ACTR3: variants seen among roughly 807,000 people sequenced by gnomAD.
The protein encoded by ACTR3 is actin related protein 3, also known as actin-related protein 3.
Under a neutral mutation model 56.8 loss-of-function variants are expected in ACTR3, and 12 were observed. That is an observed-to-expected ratio of 0.21 (90% CI 0.14 to 0.34). The LOEUF (loss-of-function observed/expected upper bound fraction) is 0.34. Ranked by LOEUF, ACTR3 falls within the 10% of genes least tolerant of loss-of-function variation. The pLI, the probability that ACTR3 is intolerant of heterozygous loss-of-function variation, is 1.00. For missense variants in ACTR3, 282 were observed against 512.5 expected (o/e 0.55, Z 4.34); for synonymous variants, 162 against 167.4 (o/e 0.97, Z 0.25).
chr2:113,909,517 ATG>A (rs1480200969), intron 1 of ACTR3, among the ~76,000 whole-genome samples: 2 of 152,180 alleles, frequency 1.3e-5, no homozygotes, highest in Admixed American at 1.3e-4. Context: ...TATGGTTGAA[ATG>A]AAGATTAGTC....
chr2:113,907,548 C>G (rs1224380716), intron 1 of ACTR3, among the ~76,000 whole-genome samples: 1 of 152,208 alleles, frequency 6.6e-6, no homozygotes, highest in Non-Finnish European at 1.5e-5. Flanking sequence ...CCGTCACACC[C>G]AGCTCATGAA....
intron 9 of ACTR3, 36 bp from the exon 10 acceptor site, chr2:113,951,684 T>C: frequency 1.3e-6 from 2 of 1,499,468 alleles, no homozygotes; most frequent in East Asian, 2.5e-5. Context: ...TAAACTTTTC[T>C]CTTTTTAAAT....
At chr2:113,892,431 C>G (rs1339901102) in intron 1 of ACTR3, among the ~76,000 whole-genome samples, 4 of 152,240 alleles carry the variant, frequency 2.6e-5, no homozygotes, top group Non-Finnish European at 5.9e-5. Flanking sequence ...CCACCTCACT[C>G]TCTTTTACCA....
At chr2:113,890,383 GA>G in intron 1 of ACTR3, 60 bp downstream of exon 1, 1 of 1,310,170 alleles carries the variant, frequency 7.6e-7, no homozygotes, top group Non-Finnish European at 1.0e-6. Context: ...GATGGCGGGG[GA>G]GGGAGGAGGC....
At chr2:113,895,762 G>T (rs1678995187) in intron 1 of ACTR3, among the ~76,000 whole-genome samples, 1 of 152,150 alleles carries the variant, frequency 6.6e-6, no homozygotes, top group Non-Finnish European at 1.5e-5. Flanking sequence ...TTGAGTTCAA[G>T]CTCTATCACT....
chr2:113,925,334 T>C (rs1679597977), intron 3 of ACTR3, among the ~76,000 whole-genome samples: 1 of 151,844 alleles, frequency 6.6e-6, no homozygotes. Context: ...TAGCTGGGAT[T>C]ATAGGCATGC....
In ACTR3 at chr2:113,962,571, T is replaced by A. The variant is rs1680342261; in HGVS notation, c.*5116T>A. 1 of 152,036 alleles carries A rather than the reference T, an allele frequency of 6.6e-6. No homozygotes were observed. Among genetic ancestry groups the A allele is most frequent in the Non-Finnish European group, 1.5e-5 (1 of 67,912 alleles). The allele number at this position is 152,036 out of a possible 1,614,324, so 9.4% of individuals were successfully genotyped here. ...GATATCGGAATTGGAACCACACATC[T>A]TTTTCTTATTGTGGGTACATGGGAT... On this transcript the variant is annotated 3_prime_UTR_variant, in exon 12 of 12. Coordinates refer to ENST00000263238, the MANE Select transcript of ACTR3 (RefSeq NM_005721.5).
intron 3 of ACTR3, among the ~76,000 whole-genome samples, chr2:113,924,243 ATTT>A (rs1222977721): frequency 7.0e-6 from 1 of 143,724 alleles, no homozygotes; most frequent in Non-Finnish European, 1.5e-5. Context: ...CTAATTAAAA[ATTT>A]TTTTTTTTTT....
chr2:113,942,119 C>A, intron 7 of ACTR3, 67 bp from the exon 8 acceptor site: 5 of 1,174,272 alleles, frequency 4.3e-6, no homozygotes, highest in South Asian at 1.7e-5. Context: ...TTACTGAAAA[C>A]ATGCCATTCT....
At chr2:113,948,846 A>G (rs529113452) in intron 8 of ACTR3, among the ~76,000 whole-genome samples, 1 of 147,774 alleles carries the variant, frequency 6.8e-6, no homozygotes, top group African/African-American at 2.6e-5. Flanking sequence ...TTACATCCCA[A>G]TCTGAACTTG....
At chr2:113,895,943 C>G (rs1014351273) in intron 1 of ACTR3, among the ~76,000 whole-genome samples, 1 of 152,160 alleles carries the variant, frequency 6.6e-6, no homozygotes, top group Non-Finnish European at 1.5e-5. Flanking sequence ...ACTGCATCCT[C>G]AAACTCCTAT....
chr2:113,933,916 G>A (rs1458012013), intron 5 of ACTR3: 8 of 176,238 alleles, frequency 4.5e-5, no homozygotes, highest in South Asian at 3.6e-4. Flanking sequence ...TCCTGACCTC[G>A]TGATCTGCCC....
At chr2:113,896,764 G>A (rs1679016494) in intron 1 of ACTR3, among the ~76,000 whole-genome samples, 1 of 152,222 alleles carries the variant, frequency 6.6e-6, no homozygotes, top group Non-Finnish European at 1.5e-5. Context: ...GAGCATCACA[G>A]TGACTGATTG....
At chr2:113,919,262 A>G (rs1399016189) in intron 3 of ACTR3, among the ~76,000 whole-genome samples, 3 of 152,162 alleles carry the variant, frequency 2.0e-5, no homozygotes, top group African/African-American at 7.2e-5. Flanking sequence ...TATTTACTAT[A>G]TTGGTTATTC....
chr2:113,901,155 C>T (rs1315387104), intron 1 of ACTR3, among the ~76,000 whole-genome samples: 2 of 152,114 alleles, frequency 1.3e-5, no homozygotes, highest in African/African-American at 2.4e-5. Context: ...CCCATCTCTA[C>T]TAAAAACACA....
chr2:113,890,471 C>T (rs1268607080), intron 1 of ACTR3, 148 bp downstream of exon 1: 4 of 1,285,308 alleles, frequency 3.1e-6, no homozygotes, highest in South Asian at 1.6e-5. Context: ...GGGTGGGGCC[C>T]GCAGCCAGGG....
At chr2:113,908,903 A>C in intron 1 of ACTR3, among the ~76,000 whole-genome samples, 1 of 152,114 alleles carries the variant, frequency 6.6e-6, no homozygotes, top group African/African-American at 2.4e-5. Context: ...TGAGACAGGA[A>C]CCAAATTAGC....
intron 3 of ACTR3, among the ~76,000 whole-genome samples, chr2:113,923,413 C>T (rs1679549508): frequency 1.3e-5 from 2 of 152,130 alleles, no homozygotes; most frequent in Admixed American, 1.3e-4. Context: ...TCTCAGCTCA[C>T]TGCAGCCTCG....
chr2:113,903,642 TCTC>T (rs1490466669), intron 1 of ACTR3, among the ~76,000 whole-genome samples: 1 of 151,760 alleles, frequency 6.6e-6, no homozygotes, highest in African/African-American at 2.4e-5. Flanking sequence ...TTAAAGCAAT[TCTC>T]CTGCCTCAGC....
Sources: allele counts gnomAD v4.1 joint callset (sites outside exome capture counted in the v4.1 genomes callset), GRCh38; gene constraint gnomAD v4.1.1; transcripts MANE v1.5; gene names NCBI Gene and HGNC (gene_info 2026-07-23, HGNC 2026-07-21).